WDPCP: variants seen among roughly 807,000 people sequenced by gnomAD.
WDPCP encodes WD repeat-containing and planar cell polarity effector protein fritz homolog.
Under a neutral mutation model 93.1 loss-of-function variants are expected in WDPCP, and 71 were observed. That is an observed-to-expected ratio of 0.76 (90% CI 0.63 to 0.93). The LOEUF (loss-of-function observed/expected upper bound fraction) is 0.93. Ranked by LOEUF, WDPCP falls within the 40% of genes least tolerant of loss-of-function variation. The pLI, the probability that WDPCP is intolerant of heterozygous loss-of-function variation, is 0.00. For synonymous variants in WDPCP, 315 were observed against 315.0 expected (o/e 1.00, Z 0.00); for missense variants, 844 against 887.4 (o/e 0.95, Z 0.62).
Position 63,143,672 on chromosome 2 carries a change from C to A in WDPCP, c.2190+9242G>T, listed in dbSNP as rs539320951. 9.9e-5 allele frequency among the ~76,000 whole-genome samples: 15 copies of A among 152,268 alleles called. No individual in the cohort carries two copies. In the East Asian group the frequency reaches 2.5e-3, roughly 25 times the overall value. ...CTGTCAGCATTTGTTTGTCTGAAAA[C>A]GACTATATCTTTGCTTCATACATGA... On this transcript the variant is annotated intron_variant, in intron 17 of 17. Coordinates refer to ENST00000272321, the MANE Select transcript of WDPCP (RefSeq NM_015910.7).
intron 2 of WDPCP, among the ~76,000 whole-genome samples, chr2:63,713,818 T>C (rs1314523452): frequency 1.3e-5 from 2 of 152,182 alleles, no homozygotes; most frequent in East Asian, 1.9e-4. Context: ...TTAATTATAG[T>C]AGGAACATAG....
At chr2:63,784,260 A>T (rs1670438052) in intron 2 of WDPCP, among the ~76,000 whole-genome samples, 1 of 152,168 alleles carries the variant, frequency 6.6e-6, no homozygotes. Context: ...AGGTCCCAGG[A>T]AAGGACCTCT....
chr2:63,164,519 G>C (rs532926551), intron 15 of WDPCP, among the ~76,000 whole-genome samples: 30 of 152,144 alleles, frequency 2.0e-4, no homozygotes, highest in Non-Finnish European at 4.1e-4. Flanking sequence ...GTGAAGTGCT[G>C]GCTCCCCCTT....
intron 12 of WDPCP, among the ~76,000 whole-genome samples, chr2:63,372,830 A>G (rs755527242): frequency 6.6e-6 from 1 of 152,132 alleles, no homozygotes; most frequent in Non-Finnish European, 1.5e-5. Flanking sequence ...TTTGTATTAC[A>G]TTACCAATAT....
intron 9 of WDPCP, among the ~76,000 whole-genome samples, chr2:63,424,538 G>A (rs1195755644): frequency 6.6e-6 from 1 of 152,128 alleles, no homozygotes; most frequent in Non-Finnish European, 1.5e-5. Context: ...GGTGGCCTTG[G>A]AGCACTTTGA....
chr2:63,619,286 CT>C (rs755733753), intron 3 of WDPCP, among the ~76,000 whole-genome samples: 1 of 152,178 alleles, frequency 6.6e-6, no homozygotes, highest in Admixed American at 6.5e-5. Flanking sequence ...ATCCAGCTTC[CT>C]TTTAAAAGAT....
At chr2:63,633,250 A>C (rs961072006) in intron 3 of WDPCP, among the ~76,000 whole-genome samples, 2 of 152,238 alleles carry the variant, frequency 1.3e-5, no homozygotes, top group African/African-American at 4.8e-5. Flanking sequence ...TAAAATGAAA[A>C]GACACTAATA....
intron 3 of WDPCP, among the ~76,000 whole-genome samples, chr2:63,598,763 A>G (rs570982417): frequency 1.3e-5 from 2 of 152,256 alleles, no homozygotes; most frequent in East Asian, 3.9e-4. Flanking sequence ...ATTGCAGGCT[A>G]TTTGGAGGTA....
intron 3 of WDPCP, among the ~76,000 whole-genome samples, chr2:63,604,171 C>T (rs1709483953): frequency 6.6e-6 from 1 of 152,154 alleles, no homozygotes; most frequent in Non-Finnish European, 1.5e-5. Flanking sequence ...ACAGTCATAT[C>T]TTGGTAATTT....
At chr2:63,133,651 T>G (rs1391993274) in intron 17 of WDPCP, among the ~76,000 whole-genome samples, 1 of 152,222 alleles carries the variant, frequency 6.6e-6, no homozygotes, top group Admixed American at 6.5e-5. Context: ...CTGTCCTGTC[T>G]GCTTCTCCTT....
intron 12 of WDPCP, among the ~76,000 whole-genome samples, chr2:63,315,301 C>T (rs1162239017): frequency 6.6e-6 from 1 of 152,164 alleles, no homozygotes; most frequent in Non-Finnish European, 1.5e-5. Flanking sequence ...TAAGCTCAGA[C>T]TGTTGATTAA....
At chr2:63,252,560 A>C (rs1376090956) in intron 14 of WDPCP, among the ~76,000 whole-genome samples, 1 of 152,154 alleles carries the variant, frequency 6.6e-6, no homozygotes, top group Non-Finnish European at 1.5e-5. Context: ...AGACCTGAAA[A>C]ATGACTTCTG....
intron 2 of WDPCP, among the ~76,000 whole-genome samples, chr2:63,706,738 T>A (rs1175339846): frequency 6.8e-6 from 1 of 146,526 alleles, no homozygotes; most frequent in Non-Finnish European, 1.5e-5. Flanking sequence ...TGCCTCAGCC[T>A]CCCGAGTAGC....
At chr2:63,729,719 C>T (rs1669535090) in intron 2 of WDPCP, among the ~76,000 whole-genome samples, 1 of 152,104 alleles carries the variant, frequency 6.6e-6, no homozygotes, top group African/African-American at 2.4e-5. Context: ...TTTAAGGCTA[C>T]TCTCTCCCCC....
At chr2:63,731,771 G>T (rs1036481220) in intron 2 of WDPCP, among the ~76,000 whole-genome samples, 9 of 152,184 alleles carry the variant, frequency 5.9e-5, no homozygotes, top group African/African-American at 2.2e-4. Flanking sequence ...GTCTTCAAAA[G>T]AGCTTGTAAT....
intron 3 of WDPCP, among the ~76,000 whole-genome samples, chr2:63,631,430 G>A (rs1709863638): frequency 6.6e-6 from 1 of 151,778 alleles, no homozygotes; most frequent in African/African-American, 2.4e-5. Context: ...AGAGAAAAAA[G>A]CAAGCAGAAG....
intron 2 of WDPCP, among the ~76,000 whole-genome samples, chr2:63,790,821 A>T (rs1670532873): frequency 6.6e-6 from 1 of 152,236 alleles, no homozygotes; most frequent in Admixed American, 6.5e-5. Context: ...TACTTCTAAG[A>T]AAGAGAAGAC....
intron 14 of WDPCP, among the ~76,000 whole-genome samples, chr2:63,210,305 G>A (rs1676670451): frequency 6.6e-6 from 1 of 152,074 alleles, no homozygotes; most frequent in Admixed American, 6.6e-5. Context: ...TCTGAGCCAT[G>A]TGTGTATTTA....
At chr2:63,721,214 G>A (rs1669408448) in intron 2 of WDPCP, among the ~76,000 whole-genome samples, 1 of 152,194 alleles carries the variant, frequency 6.6e-6, no homozygotes, top group Non-Finnish European at 1.5e-5. Flanking sequence ...TTATTTGTTT[G>A]CAAATCTACA....
Sources: gnomAD v4.1 joint callset for allele counts (sites outside exome capture counted in the v4.1 genomes callset) on GRCh38, gnomAD v4.1.1 for gene constraint, MANE v1.5 for transcripts, NCBI Gene and HGNC (gene_info 2026-07-23, HGNC 2026-07-21) for gene names.